The following PHACTR1 variants were observed in gnomAD, a reference collection of about 807,000 sequenced individuals.
PHACTR1 encodes the protein phosphatase and actin regulator 1, also known as RPEL repeat containing 1.
Under a neutral mutation model 69.2 loss-of-function variants are expected in PHACTR1, and 16 were observed. The ratio of observed to expected loss-of-function variants is 0.23; its 90% CI spans 0.16 to 0.35. The LOEUF (loss-of-function observed/expected upper bound fraction) is 0.35. PHACTR1 is among the 10% of genes least tolerant of loss of function. The pLI is 1.00. For synonymous variants in PHACTR1, 312 were observed against 284.5 expected, an observed-to-expected ratio of 1.10 and a Z score of -0.97; for missense variants, 510 against 734.7, an observed-to-expected ratio of 0.69 and a Z score of 3.54.
chr6:13,056,460 A>G (rs944375643), intron 5 of PHACTR1, among the ~76,000 whole-genome samples: 3 of 152,214 alleles, frequency 2.0e-5, no homozygotes, highest in Admixed American at 1.3e-4. Context: ...GTAAATATAC[A>G]TGAGAATTGG....
chr6:12,816,827 A>T (rs1319097215), intron 4 of PHACTR1, among the ~76,000 whole-genome samples: 1 of 152,204 alleles, frequency 6.6e-6, no homozygotes, highest in Non-Finnish European at 1.5e-5. Flanking sequence ...TTATCAGGAC[A>T]ATATTTAGAT....
intron 10 of PHACTR1, among the ~76,000 whole-genome samples, chr6:13,268,574 T>C (rs1314517284): frequency 6.6e-6 from 1 of 152,250 alleles, no homozygotes; most frequent in Non-Finnish European, 1.5e-5. Context: ...TAAATCAGCC[T>C]TAGCTTATTA....
At position 12,944,754 on chromosome 6, in the gene PHACTR1, A is replaced by ATTAT. The variant is rs1181743004; in HGVS notation, c.251-108588_251-108585dup. Reference sequence around the variant, plus strand: ...CGGTGAAGACGTCGTCACCTTTTGAATTATTTATTTATTTATTTATTTATT... The same window carrying ATTAT: ...CGGTGAAGACGTCGTCACCTTTTGAATTATTTATTTATTTATTTATTTATTTATT... On this transcript the variant is annotated intron_variant, in intron 4 of 14. Coordinates refer to ENST00000332995, the MANE Select transcript of PHACTR1 (RefSeq NM_030948.6). 6.6e-3 allele frequency among the ~76,000 whole-genome samples: 975 copies of ATTAT among 147,742 alleles called. 18 individuals carry two copies. The highest frequency in any genetic ancestry group is 0.023 in the African/African-American group (889 of 39,474).
At chr6:12,761,169 G>T (rs1361671363) in intron 4 of PHACTR1, among the ~76,000 whole-genome samples, 1 of 152,184 alleles carries the variant, frequency 6.6e-6, no homozygotes, top group African/African-American at 2.4e-5. Context: ...ATGTGAAAAT[G>T]CTTTGCCAAC....
At chr6:13,277,132 G>A (rs1302539048) in intron 11 of PHACTR1, among the ~76,000 whole-genome samples, 1 of 152,186 alleles carries the variant, frequency 6.6e-6, no homozygotes, top group Non-Finnish European at 1.5e-5. Context: ...AGGTTCAGAA[G>A]GGAAATGGTC....
intron 4 of PHACTR1, among the ~76,000 whole-genome samples, chr6:12,829,687 G>A (rs1042684163): frequency 3.6e-4 from 54 of 151,948 alleles, no homozygotes; most frequent in Admixed American, 3.5e-3. Flanking sequence ...AGGCGCGGTG[G>A]CTCATGCCTG....
At chr6:13,168,424 T>C (rs1471671154) in intron 6 of PHACTR1, among the ~76,000 whole-genome samples, 3 of 152,224 alleles carry the variant, frequency 2.0e-5, no homozygotes, top group Admixed American at 1.3e-4. Context: ...ATTATTATTG[T>C]AGTGAGTAAG....
intron 3 of PHACTR1, among the ~76,000 whole-genome samples, chr6:12,732,206 AC>A (rs1295891421): frequency 2.0e-5 from 3 of 152,134 alleles, no homozygotes; most frequent in Admixed American, 6.5e-5. Context: ...ATATAGGCAA[AC>A]AACAAAACAA....
At chr6:12,785,187 T>C (rs777784256) in intron 4 of PHACTR1, among the ~76,000 whole-genome samples, 37 of 152,196 alleles carry the variant, frequency 2.4e-4, no homozygotes, top group Admixed American at 5.9e-4. Context: ...ATGTAGAACA[T>C]ACCTATGTGA....
chr6:13,192,287 A>G (rs1200716905), intron 7 of PHACTR1, among the ~76,000 whole-genome samples: 4 of 152,264 alleles, frequency 2.6e-5, no homozygotes, highest in Non-Finnish European at 5.9e-5. Context: ...GTTATTTAAG[A>G]CAAGCCTTAA....
intron 4 of PHACTR1, among the ~76,000 whole-genome samples, chr6:12,835,537 T>C (rs1324573842): frequency 6.6e-6 from 1 of 152,172 alleles, no homozygotes; most frequent in African/African-American, 2.4e-5. Context: ...TCAATAGTTT[T>C]AAAAGGGTAT....
At chr6:13,024,867 T>C (rs988588552) in intron 4 of PHACTR1, among the ~76,000 whole-genome samples, 1 of 152,208 alleles carries the variant, frequency 6.6e-6, no homozygotes, top group Non-Finnish European at 1.5e-5. Flanking sequence ...AATCTGTGAA[T>C]ATCAATGCAG....
At chr6:13,017,641 A>G (rs1800381507) in intron 4 of PHACTR1, among the ~76,000 whole-genome samples, 1 of 152,234 alleles carries the variant, frequency 6.6e-6, no homozygotes, top group African/African-American at 2.4e-5. Flanking sequence ...GAGAAAATCT[A>G]GAAAGTGAAG....
chr6:12,780,178 G>T (rs1770627417), intron 4 of PHACTR1, among the ~76,000 whole-genome samples: 1 of 151,866 alleles, frequency 6.6e-6, no homozygotes, highest in Admixed American at 6.6e-5. Flanking sequence ...CAAATCTTTG[G>T]CAGGTATGTG....
intron 4 of PHACTR1, among the ~76,000 whole-genome samples, chr6:12,949,661 A>G (rs1582652162): frequency 6.6e-6 from 1 of 152,188 alleles, no homozygotes; most frequent in South Asian, 2.1e-4. Context: ...GAATATATAA[A>G]CCCTGATATA....
chr6:12,844,546 A>T (rs1292610931), intron 4 of PHACTR1, among the ~76,000 whole-genome samples: 1 of 152,148 alleles, frequency 6.6e-6, no homozygotes, highest in Non-Finnish European at 1.5e-5. Context: ...CGTACAGGAC[A>T]CTGAGGTAAA....
chr6:12,760,099 T>A (rs1767861440), intron 4 of PHACTR1, among the ~76,000 whole-genome samples: 2 of 152,166 alleles, frequency 1.3e-5, no homozygotes, highest in African/African-American at 2.4e-5. Flanking sequence ...GAGAATGAGG[T>A]CCATTATGTT....
chr6:13,221,651 G>A (rs1240468982), intron 8 of PHACTR1, among the ~76,000 whole-genome samples: 6 of 152,202 alleles, frequency 3.9e-5, no homozygotes, highest in Admixed American at 3.9e-4. Flanking sequence ...TATCTCTTAG[G>A]ATCCTTGTGA....
intron 9 of PHACTR1, 52 bp downstream of exon 9, chr6:13,228,115 A>G: frequency 6.4e-7 from 1 of 1,562,598 alleles, no homozygotes; most frequent in Non-Finnish European, 8.6e-7. Flanking sequence ...CTATTGTGGA[A>G]AGACAGCAGA....
Sources: allele counts gnomAD v4.1 joint callset (sites outside exome capture counted in the v4.1 genomes callset), GRCh38; gene constraint gnomAD v4.1.1; transcripts MANE v1.5; gene names NCBI Gene and HGNC (gene_info 2026-07-23, HGNC 2026-07-21).